The following STAB2 variants were observed in gnomAD, a reference collection of about 807,000 sequenced individuals.
STAB2 encodes stabilin 2.
A neutral mutation model predicts 338.1 loss-of-function variants in STAB2; 288 were observed. The ratio of observed to expected loss-of-function variants is 0.85; its 90% CI spans 0.77 to 0.94. STAB2 has a LOEUF of 0.94. Ranked by LOEUF, STAB2 falls within the 40% of genes least tolerant of loss-of-function variation. The pLI is 0.00. For missense variants in STAB2, 3,141 were observed against 3,210.1 expected (o/e 0.98, Z 0.52); for synonymous variants, 1,202 against 1,193.3 (o/e 1.01, Z -0.15).
chr12:103,674,118 C>T (rs778223318), intron 23 of STAB2, 31 bp downstream of exon 23: 24 of 1,593,430 alleles, frequency 1.5e-5, no homozygotes, highest in Middle Eastern at 3.3e-4. Context: ...CCCTTAATGA[C>T]GCTGAGTCAT....
chr12:103,693,290 C>A (rs1280020135), intron 31 of STAB2, among the ~76,000 whole-genome samples: 1 of 150,886 alleles, frequency 6.6e-6, no homozygotes, highest in East Asian at 1.9e-4. Context: ...CCTCTCTCTA[C>A]CAAAAAAAAA....
rs1312338383 is a variant in STAB2 at position 103,706,785 on chromosome 12, G to C, written c.3997-7G>C. ...GTGCGTTGTCAAGCTTTGTCCTTCT[G>C]TTTCAGACGAGAGAATGCTGTGCCG... On this transcript the variant is annotated splice_polypyrimidine_tract_variant and splice_region_variant and intron_variant, in intron 37 of 68. Transcript: ENST00000388887. The C allele has an allele frequency of 1.2e-6, 2 of 1,614,252 alleles. No homozygotes were observed. Among genetic ancestry groups the C allele is most frequent in the East Asian group, 4.5e-5 (2 of 44,888 alleles).
At chr12:103,611,179 A>G (rs2138597986) in intron 3 of STAB2, among the ~76,000 whole-genome samples, 1 of 152,256 alleles carries the variant, frequency 6.6e-6, no homozygotes, top group Admixed American at 6.5e-5. Flanking sequence ...TTTGGGGTGG[A>G]GAGTTCTGTA....
At chr12:103,688,088 C>CACT in intron 27 of STAB2, 80 bp from the exon 28 acceptor site, 1 of 1,389,698 alleles carries the variant, frequency 7.2e-7, no homozygotes, top group Non-Finnish European at 1.0e-6. Context: ...CCCAGAGATG[C>CACT]ACTGTGATTG....
At chr12:103,607,298 G>A (rs1169736408) in intron 3 of STAB2, among the ~76,000 whole-genome samples, 1 of 151,506 alleles carries the variant, frequency 6.6e-6, no homozygotes, top group African/African-American at 2.4e-5. Flanking sequence ...TAAAATGTTT[G>A]AAGTTGTCCC....
At chr12:103,668,562 C>G in intron 19 of STAB2, 81 bp from the exon 20 acceptor site, 2 of 1,246,766 alleles carry the variant, frequency 1.6e-6, no homozygotes, top group African/African-American at 3.0e-5. Context: ...AGTACAATGG[C>G]AAGTGTCTGC....
At chr12:103,722,700 C>CATCT (rs1473869675) in intron 44 of STAB2, among the ~76,000 whole-genome samples, 2 of 151,874 alleles carry the variant, frequency 1.3e-5, no homozygotes, top group African/African-American at 4.8e-5. Flanking sequence ...AGTCTTTGTT[C>CATCT]ATCTATACCT....
chr12:103,590,031 G>T (rs1040576417), intron 1 of STAB2, among the ~76,000 whole-genome samples: 13 of 152,024 alleles, frequency 8.6e-5, no homozygotes, highest in Non-Finnish European at 2.9e-5. Context: ...TCTCTTTGTT[G>T]TACAAAGCTG....
chr12:103,761,155 G>A (rs1408170923), intron 65 of STAB2, 145 bp from the exon 66 acceptor site: 4 of 677,292 alleles, frequency 5.9e-6, no homozygotes, highest in Non-Finnish European at 1.0e-5. Flanking sequence ...TGTCCAGAGG[G>A]TGAGGAGAAG....
chr12:103,651,406 C>T (rs1035417848), intron 11 of STAB2, among the ~76,000 whole-genome samples: 16 of 150,392 alleles, frequency 1.1e-4, no homozygotes, highest in Admixed American at 6.7e-4. Flanking sequence ...CTCTGCCTTC[C>T]GGGTTCAAGC....
At chr12:103,748,119 T>G (rs58512206) in intron 58 of STAB2, among the ~76,000 whole-genome samples, 1 of 152,268 alleles carries the variant, frequency 6.6e-6, no homozygotes, top group African/African-American at 2.4e-5. Context: ...CACAGAGATA[T>G]ATACTTTCTT....
rs766461163 is a variant in STAB2, at chr12:103,654,448, C to T, written c.1408-107C>T. On this transcript the variant is annotated intron_variant, in intron 12 of 68. Transcript: ENST00000388887. Reference sequence around the variant, plus strand: ...AAGTGACTTATCCAAAATCACATTGCCAATAAATATCAAAGCCCAAGGACT... The same window carrying T: ...AAGTGACTTATCCAAAATCACATTGTCAATAAATATCAAAGCCCAAGGACT... 2.6e-4 allele frequency: 320 copies of T among 1,216,340 alleles called. 1 individual carries two copies. Among genetic ancestry groups the T allele is most frequent in the Non-Finnish European group, 2.4e-4 (215 of 896,954 alleles). The allele number at this position is 1,216,340 out of a possible 1,614,324, so 75.3% of individuals were successfully genotyped here.
intron 3 of STAB2, among the ~76,000 whole-genome samples, chr12:103,594,950 C>A (rs703598): frequency 0.58 from 88,649 of 151,610 alleles, 27,510 homozygotes; most frequent in African/African-American, 0.81. Context: ...ATCAAACTTT[C>A]AAGTGGTAGA....
chr12:103,733,068 C>CACCGACCAAGCCCTCCATGCCCT lies in STAB2; in HGVS notation c.5350_5372dup (p.Ala1792ThrfsTer24). The CACCGACCAAGCCCTCCATGCCCT allele has an allele frequency of 6.2e-7, 1 of 1,614,138 alleles. No individual in the cohort carries two copies. Among genetic ancestry groups the CACCGACCAAGCCCTCCATGCCCT allele is most frequent in the East Asian group, 2.2e-5 (1 of 44,870 alleles). ...ACACCCCAGTCACTCTCTTCTGGCC[C>CACCGACCAAGCCCTCCATGCCCT]ACCGACCAAGCCCTCCATGCCCTAC... On this transcript the variant is annotated frameshift_variant, in exon 51 of 69. Coordinates refer to ENST00000388887, the MANE Select transcript of STAB2 (RefSeq NM_017564.10). LOFTEE classifies it high-confidence loss of function.
At chr12:103,608,447 T>C (rs560207889) in intron 3 of STAB2, among the ~76,000 whole-genome samples, 1 of 152,220 alleles carries the variant, frequency 6.6e-6, no homozygotes, top group African/African-American at 2.4e-5. Flanking sequence ...CAGCCTATGA[T>C]AAGCATTTTT....
At chr12:103,732,637 C>A (rs1397924803) in intron 50 of STAB2, among the ~76,000 whole-genome samples, 1 of 152,132 alleles carries the variant, frequency 6.6e-6, no homozygotes, top group African/African-American at 2.4e-5. Flanking sequence ...GAAACCCCAT[C>A]TCTACAAAAA....
Position 103,675,974 on chromosome 12 carries a change from G to A in STAB2, c.2599G>A (p.Glu867Lys), listed in dbSNP as rs779547185. Residue 867 changes from glutamate to lysine, a missense_variant, in exon 24 of 69, where the codon GAG becomes AAG. Glu to Lys is a moderately conservative substitution (Grantham distance 56, BLOSUM62 1). Coordinates refer to ENST00000388887, the MANE Select transcript of STAB2 (RefSeq NM_017564.10). Reference protein sequence around the residue: ...GYEGDGTLCSEMDPCTGLTPG... With the variant: ...GYEGDGTLCSKMDPCTGLTPG... Reference sequence around the variant, plus strand: ...TGAAGGAGATGGAACTCTGTGTTCTGAGATGGACCCTTGCACAGGACTAAC... The same window carrying A: ...TGAAGGAGATGGAACTCTGTGTTCTAAGATGGACCCTTGCACAGGACTAAC... 2 of 1,612,488 alleles carry A rather than the reference G, an allele frequency of 1.2e-6. No individual in the cohort carries two copies. Among genetic ancestry groups the A allele is most frequent in the South Asian group, 2.2e-5 (2 of 91,036 alleles).
intron 30 of STAB2, among the ~76,000 whole-genome samples, chr12:103,692,378 T>C (rs1303914584): frequency 1.4e-5 from 2 of 140,524 alleles, no homozygotes; most frequent in Non-Finnish European, 3.2e-5. Flanking sequence ...AGGATTTCAG[T>C]ATACAAATTG....
chr12:103,731,117 T>C (rs1249144720), intron 49 of STAB2, among the ~76,000 whole-genome samples: 5 of 152,128 alleles, frequency 3.3e-5, no homozygotes, highest in Non-Finnish European at 5.9e-5. Flanking sequence ...CCTAACCTGA[T>C]AACCTTACCA....
Sources: gnomAD v4.1 joint callset for allele counts (sites outside exome capture counted in the v4.1 genomes callset) on GRCh38, gnomAD v4.1.1 for gene constraint, MANE v1.5 for transcripts, NCBI Gene and HGNC (gene_info 2026-07-23, HGNC 2026-07-21) for gene names.